Variants in GNS observed in about 807,000 individuals in gnomAD.
GNS encodes the protein N-acetylglucosamine-6-sulfatase.
A neutral mutation model predicts 69.7 loss-of-function variants in GNS; 40 were observed. The observed-to-expected ratio is 0.57, with a 90% CI of 0.45 to 0.75. The LOEUF (loss-of-function observed/expected upper bound fraction) is 0.75. Among genes scored for constraint, GNS ranks in the 30% least tolerant of loss-of-function variants. The probability of loss-of-function intolerance (pLI) is 0.00; values close to 1 mark genes in which losing one functional copy is unlikely to be tolerated. For missense variants in GNS, 565 were observed against 685.5 expected (o/e 0.82, Z 1.96); for synonymous variants, 243 against 251.6 (o/e 0.97, Z 0.32).
chr12:64,731,393 G>A (rs1869385416), intron 9 of GNS, among the ~76,000 whole-genome samples: 1 of 152,140 alleles, frequency 6.6e-6, no homozygotes, highest in Admixed American at 6.5e-5. Flanking sequence ...CTTTCTAATG[G>A]CATTTTGCTC....
chr12:64,738,539 C>T (rs73323462), intron 8 of GNS, among the ~76,000 whole-genome samples: 5,988 of 152,112 alleles, frequency 0.039, 397 homozygotes, highest in African/African-American at 0.14. Flanking sequence ...ACAGGCCAGG[C>T]GTGTGGCTCA....
In GNS at chr12:64,747,946, A is replaced by G. The variant is rs374680598; in HGVS notation, c.253-28T>C. 3.3e-6 allele frequency: 4 copies of G among 1,216,534 alleles called. No individual in the cohort carries two copies. The African/African-American group carries it at 4.4e-5, about 14-fold the overall frequency. 75.4% of individuals were successfully genotyped at this position (1,216,534 alleles called of 1,614,324 possible). ...ACAAAGGAAAGGAAGCAAAAACGAC[A>G]AAGTCACACAAGAAAGATGGACTTC... On this transcript the variant is annotated intron_variant, in intron 2 of 13. Coordinates refer to ENST00000258145, the MANE Select transcript of GNS (RefSeq NM_002076.4).
chr12:64,729,435 A>C (rs1869314977), intron 9 of GNS, among the ~76,000 whole-genome samples: 1 of 152,248 alleles, frequency 6.6e-6, no homozygotes, highest in African/African-American at 2.4e-5. Context: ...CAGATTAACT[A>C]AGTTTGATTT....
intron 12 of GNS, among the ~76,000 whole-genome samples, chr12:64,720,605 T>C (rs1868996618): frequency 6.6e-6 from 1 of 152,236 alleles, no homozygotes; most frequent in Admixed American, 6.5e-5. Flanking sequence ...TGCCCTAGAA[T>C]TGTGAAGTTC....
chr12:64,734,678 C>A (rs1869508491), intron 9 of GNS, among the ~76,000 whole-genome samples: 1 of 152,226 alleles, frequency 6.6e-6, no homozygotes, highest in African/African-American at 2.4e-5. Flanking sequence ...GCTCAGGACA[C>A]TCTTCCCACA....
At chr12:64,725,999 A>T (rs1207311945) in intron 10 of GNS, among the ~76,000 whole-genome samples, 2 of 148,522 alleles carry the variant, frequency 1.3e-5, no homozygotes, top group Non-Finnish European at 3.0e-5. Context: ...CTGTCTCAAA[A>T]AAAAAAAAAA....
chr12:64,747,704 C>T lies in GNS; in HGVS notation c.459+8G>A, dbSNP rs199789530. 5 of 1,435,742 alleles carry T rather than the reference C, an allele frequency of 3.5e-6. No homozygotes were observed. The highest frequency in any genetic ancestry group is 4.9e-6 in the Non-Finnish European group (5 of 1,017,214). 88.9% of individuals were successfully genotyped at this position (1,435,742 alleles called of 1,614,324 possible). A position where few individuals can be genotyped will look rare whatever the true frequency, so the allele number is the denominator to read the frequency against. On this transcript the variant is annotated splice_region_variant and intron_variant, in intron 3 of 13. Transcript: ENST00000258145. ...ATTATAAAAAAAGAAACAGATCATT[C>T]AACATACCTCATTTAAATATTTCCC...
chr12:64,736,349 AG>A (rs1448775492), intron 9 of GNS, among the ~76,000 whole-genome samples: 1 of 152,254 alleles, frequency 6.6e-6, no homozygotes, highest in Non-Finnish European at 1.5e-5. Context: ...AGCATTCATA[AG>A]GAAGAGCCCA....
At chr12:64,745,370 C>T (rs1397964299) in intron 4 of GNS, among the ~76,000 whole-genome samples, 1 of 151,768 alleles carries the variant, frequency 6.6e-6, no homozygotes, top group East Asian at 1.9e-4. Context: ...CAGGCACACG[C>T]CACCACACCC....
chr12:64,759,383 GA>G lies in GNS; in HGVS notation c.-108del. 1.3e-6 allele frequency: 1 copy of G among 745,174 alleles called. No homozygotes were observed. The highest frequency in any genetic ancestry group is 2.1e-6 in the Non-Finnish European group (1 of 470,568). The allele number at this position is 745,174 out of a possible 1,614,324, so 46.2% of individuals were successfully genotyped here. A position where few individuals can be genotyped will look rare whatever the true frequency, so the allele number is the denominator to read the frequency against. ...CCGAAGGAATAAAAAGCCGTGCCTT[GA>G]AGGCCGGTGGCTGGAGTCAGACGTT... is the stretch of plus-strand genomic sequence containing the variant. On this transcript the variant is annotated 5_prime_UTR_variant, in exon 1 of 14. Coordinates refer to ENST00000258145, the MANE Select transcript of GNS (RefSeq NM_002076.4).
intron 9 of GNS, 38 bp from the exon 10 acceptor site, chr12:64,729,095 G>A (rs756236560): frequency 2.5e-5 from 27 of 1,090,122 alleles, no homozygotes; most frequent in Admixed American, 1.9e-4. Flanking sequence ...GAACACAGCT[G>A]GTCTCATTTT....
rs190766826 is a variant in GNS at position 64,738,761 on chromosome 12, C to T, written c.994+620G>A. On this transcript the variant is annotated intron_variant, in intron 8 of 13. Transcript: ENST00000258145. ...CTGGGAGGCAGAGATTGCTGTGAGC[C>T]GAGATCACGCTACTGTACTCCAGCC... 3.9e-3 allele frequency among the ~76,000 whole-genome samples: 589 copies of T among 152,046 alleles called. 1 individual carries two copies. The highest frequency in any genetic ancestry group is 0.014 in the African/African-American group (562 of 41,470).
intron 1 of GNS, among the ~76,000 whole-genome samples, chr12:64,757,082 G>C (rs112094796): frequency 4.8e-4 from 73 of 152,282 alleles, no homozygotes; most frequent in African/African-American, 1.6e-3. Context: ...GGGAGACTGA[G>C]GCAGGAGGAC....
chr12:64,755,325 C>T (rs945953308), intron 1 of GNS, among the ~76,000 whole-genome samples: 5 of 152,102 alleles, frequency 3.3e-5, no homozygotes. Context: ...CACCTGTAAT[C>T]CCACCCCTTT....
intron 5 of GNS, 145 bp from the exon 6 acceptor site, chr12:64,743,453 C>T: frequency 3.0e-6 from 2 of 676,964 alleles, no homozygotes; most frequent in South Asian, 3.3e-5. Context: ...TAGCCATTTG[C>T]AAGCATATTG....
intron 9 of GNS, among the ~76,000 whole-genome samples, chr12:64,735,673 CAG>C (rs1297018339): frequency 6.6e-6 from 1 of 152,250 alleles, no homozygotes. Flanking sequence ...CTCCTAAAAA[CAG>C]AACATGGCTG....
chr12:64,734,622 C>G (rs929584613), intron 9 of GNS, among the ~76,000 whole-genome samples: 1 of 152,332 alleles, frequency 6.6e-6, no homozygotes, highest in East Asian at 1.9e-4. Context: ...GTCTCTTGAA[C>G]AAGCCTAGCT....
chr12:64,747,796 C>A lies in GNS; in HGVS notation c.375G>T (p.Lys125Asn). The A allele has an allele frequency of 6.2e-7, 1 of 1,612,326 alleles. No homozygotes were observed. The highest frequency in any genetic ancestry group is 1.1e-5 in the South Asian group (1 of 91,046). The change falls in exon 3 of 14, where the codon AAG becomes AAT. Residue 125 changes from lysine to asparagine, a missense_variant. Lys to Asn is a moderately conservative substitution (Grantham distance 94, BLOSUM62 0). This residue lies in a region of GNS where 181 missense variants were observed against 174.4 expected (regional missense o/e 1.04). Transcript: ENST00000258145. ...CTGGGAAAGTATTTGGTTCTTGGAT[C>A]TTCTGCCAGGACTTACTACTGCAGT... is the stretch of plus-strand genomic sequence containing the variant. Reference protein sequence around the residue: ...EGNCSSKSWQKIQEPNTFPAI... With the variant: ...EGNCSSKSWQNIQEPNTFPAI...
intron 6 of GNS, 75 bp from the exon 7 acceptor site, chr12:64,740,763 T>A: frequency 1.3e-6 from 1 of 773,076 alleles, no homozygotes; most frequent in Non-Finnish European, 2.3e-6. Flanking sequence ...CTACAGTAGA[T>A]AATAAATAGA....
Sources: gnomAD v4.1 joint callset for allele counts (sites outside exome capture counted in the v4.1 genomes callset) on GRCh38, gnomAD v4.1.1 for gene constraint, gnomAD v4.1.1 regional missense constraint, MANE v1.5 for transcripts, NCBI Gene and HGNC (gene_info 2026-07-23, HGNC 2026-07-21) for gene names.